The following DGKB variants were observed in gnomAD, a reference collection of about 807,000 sequenced individuals.
DGKB encodes the protein 90 kDa diacylglycerol kinase.
A neutral mutation model predicts 114.3 loss-of-function variants in DGKB; 67 were observed. The observed-to-expected ratio is 0.59, with a 90% CI of 0.48 to 0.72. The LOEUF (loss-of-function observed/expected upper bound fraction) is 0.72. Among genes scored for constraint, DGKB ranks in the 30% least tolerant of loss-of-function variants. DGKB has a pLI of 0.00. For missense variants in DGKB, 907 were observed against 975.2 expected (o/e 0.93, Z 0.93); for synonymous variants, 398 against 323.1 (o/e 1.23, Z -2.49).
At chr7:14,566,669 G>T (rs966107976) in intron 20 of DGKB, among the ~76,000 whole-genome samples, 6 of 152,044 alleles carry the variant, frequency 3.9e-5, no homozygotes, top group African/African-American at 1.2e-4. Flanking sequence ...TCGAGACATG[G>T]TGGCAGCTGT....
chr7:14,960,958 T>A (rs1786808605), intron 1 of DGKB, among the ~76,000 whole-genome samples: 1 of 152,076 alleles, frequency 6.6e-6, no homozygotes, highest in African/African-American at 2.4e-5. Context: ...TCAGAGAACA[T>A]GACATCTCAA....
chr7:14,385,009 A>T (rs1563072322), intron 21 of DGKB, among the ~76,000 whole-genome samples: 1 of 152,218 alleles, frequency 6.6e-6, no homozygotes, highest in Admixed American at 6.5e-5. Flanking sequence ...AGGTAAAAAT[A>T]ATTGTGGCAT....
chr7:14,817,456 T>C (rs192634940), intron 2 of DGKB, among the ~76,000 whole-genome samples: 68 of 152,160 alleles, frequency 4.5e-4, no homozygotes, highest in Non-Finnish European at 6.8e-4. Flanking sequence ...CAAAACCAAA[T>C]AGAAATAAAA....
chr7:14,829,992 A>G (rs1846194205), intron 2 of DGKB, among the ~76,000 whole-genome samples: 1 of 152,076 alleles, frequency 6.6e-6, no homozygotes, highest in Admixed American at 6.6e-5. Context: ...AAGGCTCTAG[A>G]GATCACTGGG....
At chr7:14,940,099 C>T (rs776335175) in intron 1 of DGKB, among the ~76,000 whole-genome samples, 9 of 152,042 alleles carry the variant, frequency 5.9e-5, no homozygotes, top group Non-Finnish European at 1.2e-4. Context: ...AAGCCTCAAC[C>T]TGCTAAAAAA....
chr7:14,854,189 T>G (rs1365073784), intron 1 of DGKB, among the ~76,000 whole-genome samples: 2 of 152,218 alleles, frequency 1.3e-5, no homozygotes, highest in African/African-American at 2.4e-5. Flanking sequence ...CACTCTGAAC[T>G]GATTAGCATG....
chr7:14,529,225 G>T (rs1310225120), intron 20 of DGKB, among the ~76,000 whole-genome samples: 2 of 151,898 alleles, frequency 1.3e-5, no homozygotes, highest in African/African-American at 4.8e-5. Context: ...TTTGATGTAG[G>T]CTGAATGTAG....
chr7:14,465,789 G>T (rs534142017), intron 21 of DGKB, among the ~76,000 whole-genome samples: 1 of 152,254 alleles, frequency 6.6e-6, no homozygotes, highest in East Asian at 1.9e-4. Context: ...ACCCAAGCAT[G>T]ACTCCGCAAT....
At chr7:14,772,336 T>C (rs372779386) in intron 2 of DGKB, among the ~76,000 whole-genome samples, 4 of 152,244 alleles carry the variant, frequency 2.6e-5, no homozygotes, top group African/African-American at 9.6e-5. Flanking sequence ...ATCTCATGCC[T>C]AACAATAAAT....
intron 21 of DGKB, among the ~76,000 whole-genome samples, chr7:14,404,636 C>T (rs370700046): frequency 1.8e-4 from 28 of 151,926 alleles, no homozygotes; most frequent in African/African-American, 6.8e-4. Context: ...ACAAAACTTC[C>T]CAAGGCCATG....
intron 23 of DGKB, among the ~76,000 whole-genome samples, chr7:14,218,363 CTATT>C (rs1170415969): frequency 3.9e-5 from 6 of 152,078 alleles, no homozygotes; most frequent in Non-Finnish European, 8.8e-5. Context: ...CAAGATTACT[CTATT>C]TGTCTCTACA....
intron 23 of DGKB, among the ~76,000 whole-genome samples, chr7:14,189,086 G>A (rs574452083): frequency 1.3e-5 from 2 of 152,146 alleles, no homozygotes; most frequent in African/African-American, 2.4e-5. Flanking sequence ...AGGAAAACAA[G>A]TGAAAGTATA....
At chr7:14,623,593 A>T (rs17168312) in intron 14 of DGKB, among the ~76,000 whole-genome samples, 48,714 of 151,976 alleles carry the variant, frequency 0.32, 8,176 homozygotes, top group East Asian at 0.69. Context: ...AATGCTAATC[A>T]ATATAGTCCA....
intron 17 of DGKB, among the ~76,000 whole-genome samples, chr7:14,602,268 T>A (rs978866178): frequency 3.3e-5 from 5 of 152,192 alleles, no homozygotes. Context: ...TTAGAAGATA[T>A]TTAGATGAGA....
At chr7:14,958,134 A>T (rs1053477809) in intron 1 of DGKB, among the ~76,000 whole-genome samples, 5 of 151,980 alleles carry the variant, frequency 3.3e-5, no homozygotes, top group African/African-American at 1.2e-4. Context: ...GGTTTATAAA[A>T]ATTAAGTCAA....
At chr7:14,442,535 G>C (rs1419184371) in intron 21 of DGKB, among the ~76,000 whole-genome samples, 1 of 151,726 alleles carries the variant, frequency 6.6e-6, no homozygotes, top group East Asian at 1.9e-4. Context: ...CAAATTTTTG[G>C]AGTTCATCCT....
upstream of DGKB, among the ~76,000 whole-genome samples, chr7:14,905,139 T>C (rs1472219827): frequency 6.6e-6 from 1 of 152,100 alleles, no homozygotes; most frequent in Non-Finnish European, 1.5e-5. Flanking sequence ...ATTAGCTATC[T>C]TCATTATAAA....
At chr7:14,402,557 T>C (rs1199291320) in intron 21 of DGKB, among the ~76,000 whole-genome samples, 1 of 151,910 alleles carries the variant, frequency 6.6e-6, no homozygotes, top group African/African-American at 2.4e-5. Context: ...TGCAATACTG[T>C]TATGACAATA....
intron 5 of DGKB, among the ~76,000 whole-genome samples, chr7:14,728,189 C>T (rs376138895): frequency 1.3e-5 from 2 of 152,172 alleles, no homozygotes; most frequent in African/African-American, 4.8e-5. Flanking sequence ...GATAAGGCAT[C>T]TAATTTTTTT....
Sources: allele counts gnomAD v4.1 joint callset (sites outside exome capture counted in the v4.1 genomes callset), GRCh38; gene constraint gnomAD v4.1.1; transcripts MANE v1.5; gene names NCBI Gene and HGNC (gene_info 2026-07-23, HGNC 2026-07-21).